Variants in GASK1A observed in about 807,000 individuals in gnomAD.
GASK1A encodes golgi associated kinase 1A, also known as Golgi-associated kinase 1A.
In GASK1A, 40 loss-of-function variants were observed where a neutral mutation model predicts 41.2. The observed-to-expected ratio is 0.97, with a 90% CI of 0.75 to 1.27. The LOEUF (loss-of-function observed/expected upper bound fraction) is 1.27, where lower values mean the gene tolerates loss of function less well. GASK1A is among the 50% of genes most tolerant of loss of function. The pLI is 0.00. For synonymous variants in GASK1A, 316 were observed against 307.1 expected, an observed-to-expected ratio of 1.03 and a Z score of -0.30; for missense variants, 678 against 745.1, an observed-to-expected ratio of 0.91 and a Z score of 1.05.
intron 1 of GASK1A, among the ~76,000 whole-genome samples, chr3:42,998,699 C>T (rs2089390098): frequency 6.6e-6 from 1 of 152,044 alleles, no homozygotes; most frequent in Admixed American, 6.6e-5. Context: ...TGTGGGTGGC[C>T]CTCTCCTCCT....
At chr3:43,009,610 A>G (rs1404120902) in intron 1 of GASK1A, among the ~76,000 whole-genome samples, 1 of 152,240 alleles carries the variant, frequency 6.6e-6, no homozygotes, top group Non-Finnish European at 1.5e-5. Flanking sequence ...CGAGTTCCTC[A>G]GCCATAAAAT....
chr3:43,006,668 G>A (rs1342090956), intron 1 of GASK1A, among the ~76,000 whole-genome samples: 4 of 152,140 alleles, frequency 2.6e-5, no homozygotes, highest in East Asian at 3.8e-4. Flanking sequence ...TTACAATGAT[G>A]TGCCTTGGTT....
At chr3:42,994,121 C>G (rs1356890077) in intron 1 of GASK1A, among the ~76,000 whole-genome samples, 1 of 152,148 alleles carries the variant, frequency 6.6e-6, no homozygotes, top group Non-Finnish European at 1.5e-5. Context: ...TTGGACTTAG[C>G]CCTTGCATTT....
At chr3:43,031,583 A>G (rs532792) in intron 1 of GASK1A, among the ~76,000 whole-genome samples, 91,561 of 152,162 alleles carry the variant, frequency 0.6, 27,829 homozygotes, top group East Asian at 0.77. Context: ...CAAGGACTGC[A>G]TGTTGAGAAA....
At chr3:42,998,417 C>A (rs2089388396) in intron 1 of GASK1A, among the ~76,000 whole-genome samples, 2 of 152,112 alleles carry the variant, frequency 1.3e-5, no homozygotes, top group African/African-American at 4.8e-5. Flanking sequence ...CCCAGTTTGC[C>A]CTTTGCTGTA....
At position 43,008,974 on chromosome 3, in the gene GASK1A, A is replaced by G. The variant is rs181608441; in HGVS notation, c.4-23293A>G. Among the ~76,000 whole-genome samples the G allele has an allele frequency of 2.6e-5, 4 of 152,278 alleles. No individual in the cohort carries two copies. The East Asian group carries it at 5.8e-4, about 22-fold the overall frequency. On this transcript the variant is annotated intron_variant, in intron 1 of 4. Coordinates refer to ENST00000430121, the MANE Select transcript of GASK1A (RefSeq NM_001129908.3). ...GCTGGAGTTCCCAAGTACCTTGGAG[A>G]TTTAATAATCATGAGATTTAATGAT...
intron 1 of GASK1A, among the ~76,000 whole-genome samples, chr3:42,996,530 A>T (rs1403201399): frequency 6.6e-6 from 1 of 152,212 alleles, no homozygotes; most frequent in Non-Finnish European, 1.5e-5. Context: ...TGAAGGAGGT[A>T]CTAGGTACTA....
chr3:43,015,252 G>A (rs2089484479), intron 1 of GASK1A, among the ~76,000 whole-genome samples: 1 of 150,858 alleles, frequency 6.6e-6, no homozygotes, highest in Non-Finnish European at 1.5e-5. Flanking sequence ...AAGGAGCAGT[G>A]CGAATTCTCA....
chr3:43,032,808 T>C lies in GASK1A; in HGVS notation c.545T>C (p.Leu182Ser). 1 of 1,550,074 alleles carries C rather than the reference T, an allele frequency of 6.5e-7. No individual in the cohort carries two copies. The highest frequency in any genetic ancestry group is 8.7e-7 in the Non-Finnish European group (1 of 1,146,974). The change falls in exon 2 of 5, where the codon TTA becomes TCA. Residue 182 changes from leucine (L) to serine (S), a missense_variant. Coordinates refer to ENST00000430121, the MANE Select transcript of GASK1A (RefSeq NM_001129908.3). ...CTCCCAGGGAGTGACATGGCAGCTT[T>C]ACCGGCTTGGAGAGCTACTTCTGGG... The part of the protein sequence containing the change: ...SPLPGSDMAA[L>S]PAWRATSGLT...
At chr3:43,009,104 C>A (rs1024320195) in intron 1 of GASK1A, among the ~76,000 whole-genome samples, 9 of 152,082 alleles carry the variant, frequency 5.9e-5, no homozygotes, top group African/African-American at 2.2e-4. Flanking sequence ...AGGGAGGAAC[C>A]ATTTTCATAC....
At chr3:43,002,846 T>A (rs1478388265) in intron 1 of GASK1A, among the ~76,000 whole-genome samples, 1 of 152,198 alleles carries the variant, frequency 6.6e-6, no homozygotes, top group African/African-American at 2.4e-5. Flanking sequence ...TGGCTCTGAG[T>A]GAGGAAAACA....
At chr3:42,992,855 G>C (rs150314821) in intron 1 of GASK1A, among the ~76,000 whole-genome samples, 26 of 152,202 alleles carry the variant, frequency 1.7e-4, no homozygotes, top group Non-Finnish European at 2.9e-5. Flanking sequence ...GGGGTGCCTC[G>C]TGGTCAGAAC....
rs1175782993 is a variant in GASK1A at position 43,055,483 on chromosome 3, C to T, written c.1465C>T (p.Leu489Phe). Residue 489 changes from leucine to phenylalanine, a missense_variant, in exon 4 of 5, where the codon CTT becomes TTT. By Grantham distance (22) the Leu-to-Phe change is conservative. Coordinates refer to ENST00000430121, the MANE Select transcript of GASK1A (RefSeq NM_001129908.3). Reference sequence around the variant, plus strand: ...GGTCTACATCGATAACGCTGGCAACCTTCAGCACCCTGAGGACAAGCTGAA... The same window carrying T: ...GGTCTACATCGATAACGCTGGCAACTTTCAGCACCCTGAGGACAAGCTGAA... Reference protein sequence around the residue: ...HLVYIDNAGNLQHPEDKLNFR... With the variant: ...HLVYIDNAGNFQHPEDKLNFR... 2 of 1,552,008 alleles carry T rather than the reference C, an allele frequency of 1.3e-6. No individual in the cohort carries two copies. Among genetic ancestry groups the T allele is most frequent in the Non-Finnish European group, 1.7e-6 (2 of 1,147,058 alleles).
chr3:43,051,566 T>A (rs1239198141), intron 2 of GASK1A, among the ~76,000 whole-genome samples: 1 of 152,226 alleles, frequency 6.6e-6, no homozygotes, highest in Non-Finnish European at 1.5e-5. Flanking sequence ...AGGAACATAT[T>A]GGAGCTTTTC....
intron 1 of GASK1A, among the ~76,000 whole-genome samples, chr3:43,027,439 TAGC>T (rs1244226060): frequency 1.3e-5 from 2 of 152,170 alleles, no homozygotes; most frequent in African/African-American, 2.4e-5. Context: ...TCATTAATAA[TAGC>T]AGAGAACTAA....
chr3:43,016,627 A>C (rs967316837), intron 1 of GASK1A, among the ~76,000 whole-genome samples: 1 of 151,314 alleles, frequency 6.6e-6, no homozygotes. Context: ...AAGCCACTGG[A>C]ATGGGCCATG....
chr3:43,013,894 G>A (rs1440799016), intron 1 of GASK1A, among the ~76,000 whole-genome samples: 2 of 151,028 alleles, frequency 1.3e-5, no homozygotes, highest in South Asian at 4.2e-4. Flanking sequence ...AGGGGCAGTG[G>A]GAAGTCACAA....
intron 1 of GASK1A, among the ~76,000 whole-genome samples, chr3:43,000,281 A>C (rs531243753): frequency 6.6e-6 from 1 of 152,302 alleles, no homozygotes; most frequent in African/African-American, 2.4e-5. Context: ...AAGAAAAATC[A>C]GTAGTTACTA....
chr3:43,022,702 G>A (rs1276690878), intron 1 of GASK1A, among the ~76,000 whole-genome samples: 2 of 152,190 alleles, frequency 1.3e-5, no homozygotes, highest in African/African-American at 2.4e-5. Flanking sequence ...TATATATGAT[G>A]AAAGGGTAAG....
Sources: gnomAD v4.1 joint callset for allele counts (sites outside exome capture counted in the v4.1 genomes callset) on GRCh38, gnomAD v4.1.1 for gene constraint, MANE v1.5 for transcripts, NCBI Gene and HGNC (gene_info 2026-07-23, HGNC 2026-07-21) for gene names.